The following FRAS1 variants were observed in gnomAD, a reference collection of about 807,000 sequenced individuals.
FRAS1 encodes Fraser extracellular matrix complex subunit 1.
A neutral mutation model predicts 435.2 loss-of-function variants in FRAS1; 290 were observed. That is an observed-to-expected ratio of 0.67 (90% CI 0.61 to 0.73). The LOEUF (loss-of-function observed/expected upper bound fraction) is 0.73, where lower values mean the gene tolerates loss of function less well. FRAS1 is among the 30% of genes least tolerant of loss of function. The pLI, the probability that FRAS1 is intolerant of heterozygous loss-of-function variation, is 0.00. For missense variants in FRAS1, 4,860 were observed against 5,001.5 expected, an observed-to-expected ratio of 0.97 and a Z score of 0.85; for synonymous variants, 1,800 against 1,851.0, an observed-to-expected ratio of 0.97 and a Z score of 0.71.
At chr4:78,155,769 C>T (rs1473612309) in intron 2 of FRAS1, among the ~76,000 whole-genome samples, 2 of 152,160 alleles carry the variant, frequency 1.3e-5, no homozygotes, top group East Asian at 1.9e-4. Context: ...TCCCCAACTT[C>T]CCCCTCTCTT....
At chr4:78,085,244 G>C (rs1741089083) in intron 2 of FRAS1, among the ~76,000 whole-genome samples, 1 of 152,076 alleles carries the variant, frequency 6.6e-6, no homozygotes, top group African/African-American at 2.4e-5. Flanking sequence ...TCTCAGCATA[G>C]TTTTAATTGT....
intron 15 of FRAS1, among the ~76,000 whole-genome samples, chr4:78,311,983 T>C (rs562156608): frequency 6.6e-6 from 1 of 152,144 alleles, no homozygotes; most frequent in African/African-American, 2.4e-5. Flanking sequence ...AATATGCAAA[T>C]TTTCTCACTC....
At chr4:78,462,348 C>T (rs1477291302) in intron 47 of FRAS1, among the ~76,000 whole-genome samples, 5 of 151,230 alleles carry the variant, frequency 3.3e-5, no homozygotes, top group Non-Finnish European at 7.4e-5. Context: ...GCACTCCAGC[C>T]TGGGCAACAA....
intron 18 of FRAS1, among the ~76,000 whole-genome samples, chr4:78,326,780 T>A (rs759622440): frequency 6.6e-6 from 1 of 152,082 alleles, no homozygotes; most frequent in Non-Finnish European, 1.5e-5. Flanking sequence ...TATGAGGTGG[T>A]TAGAGAAAGA....
chr4:78,363,762 G>A, intron 21 of FRAS1, 97 bp downstream of exon 21: 2 of 1,439,844 alleles, frequency 1.4e-6, no homozygotes. Context: ...GAGAGTGGAG[G>A]CAGGAAGTGT....
chr4:78,093,853 G>A (rs1741652129), intron 2 of FRAS1, among the ~76,000 whole-genome samples: 1 of 152,152 alleles, frequency 6.6e-6, no homozygotes, highest in Admixed American at 6.5e-5. Flanking sequence ...GGTTATTTCT[G>A]TTAAGGTTAT....
intron 59 of FRAS1, among the ~76,000 whole-genome samples, chr4:78,491,454 C>T (rs187565871): frequency 5.2e-4 from 79 of 152,274 alleles, no homozygotes; most frequent in African/African-American, 1.9e-3. Context: ...GTTTATCCAC[C>T]ACGATCAAGT....
chr4:78,066,838 T>C (rs1740063812), intron 2 of FRAS1, among the ~76,000 whole-genome samples: 1 of 152,230 alleles, frequency 6.6e-6, no homozygotes, highest in Non-Finnish European at 1.5e-5. Context: ...TTGAAATAGC[T>C]GAGGAATATC....
chr4:78,531,657 G>A (rs1721719296), intron 70 of FRAS1, among the ~76,000 whole-genome samples: 1 of 152,068 alleles, frequency 6.6e-6, no homozygotes, highest in Admixed American at 6.5e-5. Context: ...TGACCTTTCT[G>A]TCCTGTTGGA....
chr4:78,401,929 C>T (rs150701664), intron 30 of FRAS1, among the ~76,000 whole-genome samples: 5 of 151,704 alleles, frequency 3.3e-5, no homozygotes, highest in East Asian at 1.9e-4. Flanking sequence ...TGCTAGGCTA[C>T]GTGGGATTCT....
chr4:78,430,470 T>G (rs377304058), intron 37 of FRAS1, 53 bp downstream of exon 37: 2 of 1,576,250 alleles, frequency 1.3e-6, no homozygotes, highest in Non-Finnish European at 8.6e-7. Context: ...GATTTTTTGC[T>G]CTACAATCAG....
rs1397793196 is a variant in FRAS1, at chr4:78,407,828, CCTT to C, written c.4297_4299del (p.Phe1433del). ...TCAGGAGCCCCAGCCCAGAGCGACT[CCTT>C]CCGCTTCGAGGTACCCTCTGCTTCC... On this transcript the variant is annotated inframe_deletion, in exon 31 of 74. Coordinates refer to ENST00000512123, the MANE Select transcript of FRAS1 (RefSeq NM_025074.7). 41 of 1,600,866 alleles carry C rather than the reference CCTT, an allele frequency of 2.6e-5. No individual in the cohort carries two copies. The highest frequency in any genetic ancestry group is 3.4e-5 in the Non-Finnish European group (40 of 1,173,150).
Position 78,522,051 on chromosome 4 carries a change from A to G in FRAS1, c.10648+421A>G, listed in dbSNP as rs140209820. ...GAAAGAAGTTCCAGTTATGATTCAT[A>G]TGTTACATTTTGATTGTTATATTGC... On this transcript the variant is annotated intron_variant, in intron 68 of 73. Transcript: ENST00000512123. Among the ~76,000 whole-genome samples the G allele has an allele frequency of 3.5e-3, 531 of 152,322 alleles. 3 individuals are homozygous for G. The highest frequency in any genetic ancestry group is 0.012 in the African/African-American group (506 of 41,578).
At chr4:78,088,446 G>C (rs36196177) in intron 2 of FRAS1, among the ~76,000 whole-genome samples, 1 of 150,506 alleles carries the variant, frequency 6.6e-6, no homozygotes, top group Non-Finnish European at 1.5e-5. Flanking sequence ...ATTAAACTAA[G>C]GAGCTTCTGC....
chr4:78,088,207 G>C (rs1376968396), intron 2 of FRAS1, among the ~76,000 whole-genome samples: 1 of 152,128 alleles, frequency 6.6e-6, no homozygotes, highest in Non-Finnish European at 1.5e-5. Flanking sequence ...AATGATGCTG[G>C]GAAAACTGGC....
At chr4:78,206,769 T>G (rs1415577154) in intron 2 of FRAS1, among the ~76,000 whole-genome samples, 1 of 152,148 alleles carries the variant, frequency 6.6e-6, no homozygotes, top group Non-Finnish European at 1.5e-5. Flanking sequence ...TTGAACCCAT[T>G]TTATAGATGA....
chr4:78,523,598 A>T (rs1390737598), intron 69 of FRAS1, among the ~76,000 whole-genome samples: 1 of 152,246 alleles, frequency 6.6e-6, no homozygotes, highest in Non-Finnish European at 1.5e-5. Context: ...TATATTTAGC[A>T]TTAAAATCTT....
chr4:78,304,606 G>T (rs1728605562), intron 14 of FRAS1, among the ~76,000 whole-genome samples: 1 of 151,796 alleles, frequency 6.6e-6, no homozygotes, highest in Non-Finnish European at 1.5e-5. Flanking sequence ...GAGTGTATGT[G>T]TCGAGGAATT....
At chr4:78,277,414 G>A (rs1338621216) in intron 9 of FRAS1, among the ~76,000 whole-genome samples, 1 of 152,126 alleles carries the variant, frequency 6.6e-6, no homozygotes, top group South Asian at 2.1e-4. Flanking sequence ...ACTCATGCTG[G>A]TAGCTGTAGA....
Sources: gnomAD v4.1 joint callset for allele counts (sites outside exome capture counted in the v4.1 genomes callset) on GRCh38, gnomAD v4.1.1 for gene constraint, MANE v1.5 for transcripts, NCBI Gene and HGNC (gene_info 2026-07-23, HGNC 2026-07-21) for gene names.